The following TAFA1 variants were observed in gnomAD, a reference collection of about 807,000 sequenced individuals.
TAFA1 encodes TAFA chemokine like family member 1.
Under a neutral mutation model 18.5 loss-of-function variants are expected in TAFA1, and 4 were observed. The observed-to-expected ratio is 0.22, with a 90% CI of 0.11 to 0.49. The LOEUF (loss-of-function observed/expected upper bound fraction) is 0.49. Ranked by LOEUF, TAFA1 falls within the 20% of genes least tolerant of loss-of-function variation. TAFA1 has a pLI of 0.98. For missense variants in TAFA1, 147 were observed against 169.0 expected (o/e 0.87, Z 0.72); for synonymous variants, 56 against 55.2 (o/e 1.01, Z -0.06).
chr3:68,376,887 A>G (rs2069829731), intron 2 of TAFA1, among the ~76,000 whole-genome samples: 1 of 152,170 alleles, frequency 6.6e-6, no homozygotes, highest in Non-Finnish European at 1.5e-5. Flanking sequence ...TGCTATTCTC[A>G]TGATAGTGAG....
chr3:68,532,219 G>A (rs369322566), intron 3 of TAFA1, among the ~76,000 whole-genome samples: 55 of 152,282 alleles, frequency 3.6e-4, no homozygotes, highest in African/African-American at 1.3e-3. Context: ...AGAAAGAATA[G>A]GGGCTCGGGT....
intron 2 of TAFA1, among the ~76,000 whole-genome samples, chr3:68,186,996 T>A (rs1255449721): frequency 6.6e-6 from 1 of 152,054 alleles, no homozygotes; most frequent in East Asian, 1.9e-4. Context: ...AAAGCCAGTT[T>A]GCTTTTCTTA....
At chr3:68,291,852 A>G (rs2107279186) in intron 2 of TAFA1, among the ~76,000 whole-genome samples, 1 of 152,296 alleles carries the variant, frequency 6.6e-6, no homozygotes, top group East Asian at 1.9e-4. Flanking sequence ...CATACAAGGG[A>G]TAACAGAAAT....
rs529878704 is a variant in TAFA1 at position 68,315,565 on chromosome 3, A to G, written c.119-101715A>G. Among the ~76,000 whole-genome samples the G allele has an allele frequency of 2.6e-5, 4 of 152,316 alleles. No individual in the cohort carries two copies. The South Asian group carries it at 8.3e-4, about 32-fold the overall frequency. On this transcript the variant is annotated intron_variant, in intron 2 of 4. Transcript: ENST00000478136. ...AGCTTTAAAAATCAAAAATGTCACT[A>G]AAGTTCCTTATATAGTTCTTTATAT...
At chr3:68,445,013 A>G (rs915122977) in intron 3 of TAFA1, among the ~76,000 whole-genome samples, 21 of 151,922 alleles carry the variant, frequency 1.4e-4, no homozygotes, top group African/African-American at 5.1e-4. Flanking sequence ...TGGTTGAGTA[A>G]TTCAAAAAGA....
chr3:67,999,221 C>T, the TAFA1 span, among the ~76,000 whole-genome samples: 222 of 150,774 alleles, frequency 1.5e-3, 1 homozygote, highest in African/African-American at 4.9e-3. Flanking sequence ...TCCACACTGC[C>T]GAAAGTTCTC....
Position 68,148,693 on chromosome 3 carries a change from T to A in TAFA1, c.118+141949T>A, listed in dbSNP as rs114330087. On this transcript the variant is annotated intron_variant, in intron 2 of 4. Coordinates refer to ENST00000478136, the MANE Select transcript of TAFA1 (RefSeq NM_213609.4). ...CTTTCCAAAGCAGCCTCCTGATTCA[T>A]CCTCATCAAGCAGCAGAGAAGCCCA... 8.9e-3 allele frequency among the ~76,000 whole-genome samples: 1,357 copies of A among 152,214 alleles called. 23 individuals are homozygous for A. The highest frequency in any genetic ancestry group is 0.031 in the African/African-American group (1,279 of 41,530).
intron 2 of TAFA1, among the ~76,000 whole-genome samples, chr3:68,056,884 GA>G (rs1330216213): frequency 1.2e-4 from 19 of 152,284 alleles, no homozygotes; most frequent in African/African-American, 4.6e-4. Context: ...GGGTCTGGAT[GA>G]GACGAGTAGG....
intron 3 of TAFA1, among the ~76,000 whole-genome samples, chr3:68,497,031 G>T (rs999567798): frequency 6.6e-5 from 10 of 152,076 alleles, no homozygotes; most frequent in Non-Finnish European, 1.3e-4. Flanking sequence ...GTGGAAAAAA[G>T]AAAATGGCCA....
intron 2 of TAFA1, among the ~76,000 whole-genome samples, chr3:68,207,760 CTA>C (rs1211700557): frequency 6.6e-6 from 1 of 151,966 alleles, no homozygotes; most frequent in East Asian, 1.9e-4. Context: ...TAATCCCTTA[CTA>C]TATGTCAGGC....
chr3:68,123,525 C>T (rs144015350), intron 2 of TAFA1, among the ~76,000 whole-genome samples: 1,595 of 152,224 alleles, frequency 0.01, 38 homozygotes, highest in African/African-American at 0.036. Context: ...GACATGTTTG[C>T]AGTGATCTCC....
intron 4 of TAFA1, 43 bp from the exon 5 acceptor site, chr3:68,544,443 T>C (rs776229618): frequency 1.2e-5 from 20 of 1,606,154 alleles, no homozygotes; most frequent in Non-Finnish European, 1.7e-5. Context: ...TGCCTTCAGT[T>C]TGCACTGTTC....
chr3:68,009,356 G>T (rs755497059), intron 2 of TAFA1, among the ~76,000 whole-genome samples: 1 of 152,110 alleles, frequency 6.6e-6, no homozygotes, highest in Non-Finnish European at 1.5e-5. Flanking sequence ...TTAAAATACC[G>T]TAGTTTAAAA....
intron 2 of TAFA1, among the ~76,000 whole-genome samples, chr3:68,320,758 T>C (rs1299179312): frequency 6.6e-6 from 1 of 152,192 alleles, no homozygotes; most frequent in Non-Finnish European, 1.5e-5. Flanking sequence ...TATTCTCATC[T>C]CAAACTCTAG....
intron 2 of TAFA1, among the ~76,000 whole-genome samples, chr3:68,118,506 A>G (rs1163013490): frequency 6.6e-6 from 1 of 152,080 alleles, no homozygotes; most frequent in Non-Finnish European, 1.5e-5. Flanking sequence ...CCCCTGCTCT[A>G]TACCTTTCAA....
chr3:68,160,897 A>T (rs1170516891), intron 2 of TAFA1, among the ~76,000 whole-genome samples: 1 of 152,246 alleles, frequency 6.6e-6, no homozygotes, highest in Non-Finnish European at 1.5e-5. Context: ...CTGACCATAC[A>T]CTCAATGGAT....
chr3:68,522,960 C>G (rs569962069), intron 3 of TAFA1, among the ~76,000 whole-genome samples: 1 of 152,308 alleles, frequency 6.6e-6, no homozygotes, highest in South Asian at 2.1e-4. Context: ...CCTGTGATCT[C>G]AGCTACTCAG....
intron 2 of TAFA1, among the ~76,000 whole-genome samples, chr3:68,084,232 T>C (rs2064943010): frequency 6.6e-6 from 1 of 152,196 alleles, no homozygotes; most frequent in South Asian, 2.1e-4. Context: ...TTAGTGGAGT[T>C]GTTATGTTAT....
chr3:68,393,036 A>G (rs2070295313), intron 2 of TAFA1, among the ~76,000 whole-genome samples: 1 of 152,312 alleles, frequency 6.6e-6, no homozygotes, highest in African/African-American at 2.4e-5. Context: ...TAGAGAGATG[A>G]AAAATCCTCC....
Sources: gnomAD v4.1 joint callset for allele counts (sites outside exome capture counted in the v4.1 genomes callset) on GRCh38, gnomAD v4.1.1 for gene constraint, MANE v1.5 for transcripts, NCBI Gene and HGNC (gene_info 2026-07-23, HGNC 2026-07-21) for gene names.